The following CAST variants were observed in gnomAD, a reference collection of about 807,000 sequenced individuals.
CAST encodes calpastatin.
A neutral mutation model predicts 119.6 loss-of-function variants in CAST; 76 were observed. The ratio of observed to expected loss-of-function variants is 0.64; its 90% CI spans 0.53 to 0.77. The LOEUF is 0.77. Among genes scored for constraint, CAST ranks in the 30% least tolerant of loss-of-function variants. The pLI is 0.00. For missense variants in CAST, 953 were observed against 946.5 expected (o/e 1.01, Z -0.09); for synonymous variants, 319 against 331.6 (o/e 0.96, Z 0.41).
chr5:96,478,364 C>T, the CAST span, among the ~76,000 whole-genome samples: 2 of 152,166 alleles, frequency 1.3e-5, no homozygotes, highest in African/African-American at 2.4e-5. Flanking sequence ...AATAGTCCAC[C>T]GACATTGTAT....
At chr5:96,648,954 A>C (rs899719055) in intron 1 of CAST, among the ~76,000 whole-genome samples, 1 of 152,160 alleles carries the variant, frequency 6.6e-6, no homozygotes, top group Non-Finnish European at 1.5e-5. Flanking sequence ...CACATGGTGG[A>C]TACAGGATTC....
chr5:96,015,297 A>G, the CAST span, among the ~76,000 whole-genome samples: 1 of 152,088 alleles, frequency 6.6e-6, no homozygotes. Context: ...GTATGTGTAT[A>G]TTGCTATTTG....
chr5:96,307,085 A>G, the CAST span, among the ~76,000 whole-genome samples: 3 of 152,152 alleles, frequency 2.0e-5, no homozygotes, highest in Non-Finnish European at 4.4e-5. Context: ...GTGGGAGTCT[A>G]AGTCTCTTTG....
chr5:96,540,281 CTCCA>C (rs1745888451), intron 1 of CAST, among the ~76,000 whole-genome samples: 1 of 152,042 alleles, frequency 6.6e-6, no homozygotes, highest in Non-Finnish European at 1.5e-5. Context: ...TAACCCCTAT[CTCCA>C]TCTGTTATCA....
chr5:96,295,236 G>T, the CAST span, among the ~76,000 whole-genome samples: 1 of 152,136 alleles, frequency 6.6e-6, no homozygotes, highest in African/African-American at 2.4e-5. Flanking sequence ...TGCCCCCCAT[G>T]GAGATGTAGT....
chr5:96,492,823 A>G, the CAST span, among the ~76,000 whole-genome samples: 1 of 152,264 alleles, frequency 6.6e-6, no homozygotes, highest in African/African-American at 2.4e-5. Flanking sequence ...GCCCCATGCC[A>G]GATTAACTGA....
chr5:96,417,197 CAAG>C, the CAST span, among the ~76,000 whole-genome samples: 6 of 152,302 alleles, frequency 3.9e-5, no homozygotes, highest in South Asian at 1.2e-3. Context: ...GACTGGCCAT[CAAG>C]AAGAATTGTT....
chr5:96,627,952 T>C (rs1580852014), intron 1 of CAST, among the ~76,000 whole-genome samples: 1 of 152,236 alleles, frequency 6.6e-6, no homozygotes, highest in African/African-American at 2.4e-5. Context: ...GGCAGAATAT[T>C]TGTTGCTCCG....
chr5:96,278,420 A>G, the CAST span, among the ~76,000 whole-genome samples: 1 of 152,216 alleles, frequency 6.6e-6, no homozygotes, highest in Non-Finnish European at 1.5e-5. Flanking sequence ...TAATCTTCAC[A>G]GCAACTGAGA....
At chr5:96,421,873 T>C in the CAST span, 3 of 1,428,772 alleles carry the variant, frequency 2.1e-6, no homozygotes, top group Non-Finnish European at 3.0e-6. Context: ...AATGCATATT[T>C]ACTCACTTGT....
chr5:96,563,243 A>G (rs155217), intron 1 of CAST, among the ~76,000 whole-genome samples: 44,168 of 152,032 alleles, frequency 0.29, 7,308 homozygotes, highest in Middle Eastern at 0.42. Flanking sequence ...TTGGGTCACC[A>G]TTTCCTTGTG....
At chr5:96,446,480 T>C in the CAST span, among the ~76,000 whole-genome samples, 6 of 152,200 alleles carry the variant, frequency 3.9e-5, no homozygotes, top group Non-Finnish European at 8.8e-5. Context: ...TTTTGAGATA[T>C]TAACCAGGGT....
the CAST span, among the ~76,000 whole-genome samples, chr5:96,160,174 TATTCACAG>T: frequency 1.3e-5 from 2 of 151,848 alleles, no homozygotes; most frequent in Non-Finnish European, 2.9e-5. Flanking sequence ...GCCTTTAGTA[TATTCACAG>T]AGTCATACAG....
At chr5:96,236,538 G>A in the CAST span, among the ~76,000 whole-genome samples, 61 of 152,260 alleles carry the variant, frequency 4.0e-4, no homozygotes, top group African/African-American at 1.3e-3. Flanking sequence ...AGGCACTTCC[G>A]TGAATCCCGC....
At chr5:96,633,205 G>A (rs1029507132) in intron 1 of CAST, among the ~76,000 whole-genome samples, 2 of 152,020 alleles carry the variant, frequency 1.3e-5, no homozygotes, top group South Asian at 2.1e-4. Context: ...ACTCCTGACC[G>A]ACCTCAGGTG....
At chr5:96,687,278 G>A (rs1752194990) in intron 2 of CAST, among the ~76,000 whole-genome samples, 1 of 152,160 alleles carries the variant, frequency 6.6e-6, no homozygotes, top group Non-Finnish European at 1.5e-5. Flanking sequence ...AGTGGGTAGT[G>A]CAGAGATGAA....
the CAST span, among the ~76,000 whole-genome samples, chr5:96,319,299 T>C: frequency 1.3e-5 from 2 of 152,154 alleles, no homozygotes; most frequent in African/African-American, 4.8e-5. Context: ...ATCTGCAACA[T>C]TGGGGATCAC....
the CAST span, among the ~76,000 whole-genome samples, chr5:96,409,665 C>G: frequency 6.6e-6 from 1 of 152,190 alleles, no homozygotes; most frequent in Non-Finnish European, 1.5e-5. Flanking sequence ...GCTCTGGACA[C>G]CCAGGGAAAT....
intron 9 of CAST, among the ~76,000 whole-genome samples, chr5:96,731,473 G>GTTT (rs201905440): frequency 1.2e-4 from 14 of 112,774 alleles, no homozygotes; most frequent in African/African-American, 3.1e-4. Flanking sequence ...ATCCTTTAAG[G>GTTT]TTTTTTTTTT....
Sources: gnomAD v4.1 joint callset for allele counts (sites outside exome capture counted in the v4.1 genomes callset) on GRCh38, gnomAD v4.1.1 for gene constraint, MANE v1.5 for transcripts, NCBI Gene and HGNC (gene_info 2026-07-23, HGNC 2026-07-21) for gene names.